The following EXT1 variants were observed in gnomAD, a reference collection of about 807,000 sequenced individuals.
EXT1 encodes the protein exostosin-1.
EXT1 carries 20 observed loss-of-function variants against 82.5 expected under a neutral mutation model. That is an observed-to-expected ratio of 0.24 (90% confidence interval 0.17 to 0.35). The LOEUF (loss-of-function observed/expected upper bound fraction) is 0.35, where lower values mean the gene tolerates loss of function less well. Ranked by LOEUF, EXT1 falls within the 10% of genes least tolerant of loss-of-function variation. The probability of loss-of-function intolerance (pLI) is 1.00; values close to 1 mark genes in which losing one functional copy is unlikely to be tolerated. For synonymous variants in EXT1, 348 were observed against 350.8 expected (o/e 0.99, Z 0.09); for missense variants, 757 against 936.5 (o/e 0.81, Z 2.50).
chr8:118,003,954 A>T (rs912065279), intron 1 of EXT1, among the ~76,000 whole-genome samples: 3 of 152,180 alleles, frequency 2.0e-5, no homozygotes, highest in African/African-American at 7.2e-5. Context: ...ATGTTTACAA[A>T]TTTTTTCATG....
At chr8:117,879,768 T>C (rs1357075295) in intron 1 of EXT1, among the ~76,000 whole-genome samples, 1 of 152,166 alleles carries the variant, frequency 6.6e-6, no homozygotes, top group African/African-American at 2.4e-5. Context: ...TAGAAATAGT[T>C]CAGATCAGTC....
At chr8:117,963,482 G>C (rs1814743875) in intron 1 of EXT1, among the ~76,000 whole-genome samples, 1 of 151,936 alleles carries the variant, frequency 6.6e-6, no homozygotes, top group South Asian at 2.1e-4. Context: ...TGGTGGTGGT[G>C]GTTTTTCATT....
In EXT1 at chr8:117,893,682, G is replaced by A. The variant is rs140690096; in HGVS notation, c.963-56481C>T. Reference sequence around the variant, plus strand: ...TTTCGCTGCAGCCTGGACTAACCACGCTTTGAGCAAGTGAAACGCTTGCCA... The same window carrying A: ...TTTCGCTGCAGCCTGGACTAACCACACTTTGAGCAAGTGAAACGCTTGCCA... On this transcript the variant is annotated intron_variant, in intron 1 of 10. Coordinates refer to ENST00000378204, the MANE Select transcript of EXT1 (RefSeq NM_000127.3). Among the ~76,000 whole-genome samples the A allele has an allele frequency of 2.1e-3, 324 of 152,254 alleles. 2 individuals are homozygous for A. Among genetic ancestry groups the A allele is most frequent in the African/African-American group, 7.5e-3 (312 of 41,550 alleles).
intron 1 of EXT1, among the ~76,000 whole-genome samples, chr8:118,101,786 T>C (rs2130023575): frequency 6.6e-6 from 1 of 152,326 alleles, no homozygotes; most frequent in African/African-American, 2.4e-5. Flanking sequence ...GCTACTTCAC[T>C]AAATGGGTGT....
chr8:117,799,825 T>C lies in EXT1; in HGVS notation c.2128A>G (p.Ser710Gly), dbSNP rs1451386410. The C allele has an allele frequency of 4.3e-6, 7 of 1,614,188 alleles. No individual in the cohort carries two copies. Among genetic ancestry groups the C allele is most frequent in the Non-Finnish European group, 5.9e-6 (7 of 1,180,046 alleles). The change falls in exon 11 of 11, where the codon AGC becomes GGC. Residue 710 changes from serine to glycine, a missense_variant. By Grantham distance (56) the Ser-to-Gly change is moderately conservative. Around this residue, in one of 4 missense-constraint regions of EXT1, gnomAD observed 128 missense variants for 223.2 expected, o/e 0.57. Transcript: ENST00000378204. ...ATCAGCGGCATGTAGCCAAACCAGC[T>C]GGCAAACGTATTCATGCAGCTCTGT... ...QRQSCMNTFA[S>G]WFGYMPLIHS...
At chr8:117,949,445 G>GTA (rs1040833070) in intron 1 of EXT1, among the ~76,000 whole-genome samples, 24 of 150,396 alleles carry the variant, frequency 1.6e-4, no homozygotes, top group Admixed American at 4.0e-4. Flanking sequence ...TCTAATATCA[G>GTA]TACCTAGTTT....
rs1823099068 is a variant in EXT1 at position 117,797,108 on chromosome 8, T to C, written c.*2604A>G. The C allele has an allele frequency of 6.6e-6, 1 of 152,238 alleles. No individual in the cohort carries two copies. The highest frequency in any genetic ancestry group is 6.5e-5 in the Admixed American group (1 of 15,282). 9.4% of individuals were successfully genotyped at this position (152,238 alleles called of 1,614,324 possible). A position where few individuals can be genotyped will look rare whatever the true frequency, so the allele number is the denominator to read the frequency against. On this transcript the variant is annotated 3_prime_UTR_variant, in exon 11 of 11. Transcript: ENST00000378204. Reference sequence around the variant, plus strand: ...GACCAGGAGATAATTCCTGACACCCTACAGAGATGGCTATGATTTGTCAAC... The same window carrying C: ...GACCAGGAGATAATTCCTGACACCCCACAGAGATGGCTATGATTTGTCAAC...
In EXT1 at chr8:118,089,801, C is replaced by T. The variant is rs28357320; in HGVS notation, c.962+20284G>A. Among the ~76,000 whole-genome samples, 36 of 152,170 alleles carry T rather than the reference C, an allele frequency of 2.4e-4. No homozygotes were observed. The East Asian group carries it at 6.6e-3, about 28-fold the overall frequency. On this transcript the variant is annotated intron_variant, in intron 1 of 10. Transcript: ENST00000378204. ...ACAGTAGGAGGTTTTACATAGGATA[C>T]GGGAGAGCCAGAGGACAGGAAGCAT...
chr8:118,020,696 G>T (rs1276435916), intron 1 of EXT1, among the ~76,000 whole-genome samples: 1 of 152,178 alleles, frequency 6.6e-6, no homozygotes, highest in East Asian at 1.9e-4. Context: ...GGTTAGCACG[G>T]ATGAAGGAGA....
At chr8:118,029,825 G>T (rs1816275551) in intron 1 of EXT1, among the ~76,000 whole-genome samples, 1 of 152,226 alleles carries the variant, frequency 6.6e-6, no homozygotes, top group African/African-American at 2.4e-5. Flanking sequence ...AGCTCTCAGA[G>T]TGAGGGCATC....
chr8:117,829,892 G>T (rs1812069850), intron 4 of EXT1, among the ~76,000 whole-genome samples: 1 of 151,970 alleles, frequency 6.6e-6, no homozygotes. Flanking sequence ...TTTTCTAAAT[G>T]AACTCCAGAA....
chr8:117,807,452 C>T lies in EXT1; in HGVS notation c.1723-75G>A, dbSNP rs1351726446. On this transcript the variant is annotated intron_variant, in intron 8 of 10. Transcript: ENST00000378204. ...TCAACAAAACATTACCTTCTCCCCA[C>T]TAATTCATAATGCAAAATCCGGGGA... 4 of 1,542,226 alleles carry T rather than the reference C, an allele frequency of 2.6e-6. No individual in the cohort carries two copies. In the African/African-American group the frequency reaches 5.4e-5, roughly 21 times the overall value.
At chr8:117,918,876 C>T (rs1197504324) in intron 1 of EXT1, among the ~76,000 whole-genome samples, 1 of 152,120 alleles carries the variant, frequency 6.6e-6, no homozygotes, top group African/African-American at 2.4e-5. Flanking sequence ...TATCCACTGA[C>T]ATGATGTGTT....
At chr8:118,069,415 T>A (rs1437047240) in intron 1 of EXT1, among the ~76,000 whole-genome samples, 1 of 152,118 alleles carries the variant, frequency 6.6e-6, no homozygotes, top group Non-Finnish European at 1.5e-5. Flanking sequence ...TTCCATTTCC[T>A]CCTCCCTGGG....
intron 1 of EXT1, among the ~76,000 whole-genome samples, chr8:118,067,747 T>C (rs907467451): frequency 1.3e-5 from 2 of 152,236 alleles, no homozygotes; most frequent in Middle Eastern, 3.2e-3. Context: ...GCACATTAAA[T>C]CAGAAACCTA....
chr8:118,100,226 C>T (rs972620348), intron 1 of EXT1, among the ~76,000 whole-genome samples: 4 of 152,154 alleles, frequency 2.6e-5, no homozygotes, highest in African/African-American at 9.7e-5. Context: ...AACAAAGGAG[C>T]CTGGCCCAGG....
chr8:117,867,260 G>GAAAAAAAAAAAAAAAAAAAAAA (rs372575361), intron 1 of EXT1, among the ~76,000 whole-genome samples: 1 of 98,904 alleles, frequency 1.0e-5, no homozygotes, highest in African/African-American at 4.0e-5. Flanking sequence ...CTCCACCTCA[G>GAAAAAAAAAAAAAAAAAAAAAA]AAAAAAAAAA....
chr8:117,822,396 A>G, intron 5 of EXT1, 69 bp downstream of exon 5: 1 of 1,520,598 alleles, frequency 6.6e-7, no homozygotes, highest in Non-Finnish European at 9.1e-7. Context: ...GTAGAAGAAT[A>G]AAGGCCTTTA....
chr8:117,982,064 A>G (rs536064353), intron 1 of EXT1, among the ~76,000 whole-genome samples: 31 of 152,332 alleles, frequency 2.0e-4, no homozygotes, highest in African/African-American at 7.2e-4. Context: ...TAAACACAGC[A>G]ACTTAAAACA....
Sources: allele counts gnomAD v4.1 joint callset (sites outside exome capture counted in the v4.1 genomes callset), GRCh38; gene constraint gnomAD v4.1.1; regional missense constraint gnomAD v4.1.1; transcripts MANE v1.5; gene names NCBI Gene and HGNC (gene_info 2026-07-23, HGNC 2026-07-21).